The following ASIC2 variants were observed in gnomAD, a reference collection of about 807,000 sequenced individuals.
ASIC2 encodes acid sensing ion channel subunit 2, also known as acid-sensing ion channel 2.
ASIC2 carries 25 observed loss-of-function variants against 57.3 expected under a neutral mutation model. That is an observed-to-expected ratio of 0.44 (90% CI 0.32 to 0.61). ASIC2 has a LOEUF of 0.61. Ranked by LOEUF, ASIC2 falls within the 20% of genes least tolerant of loss-of-function variation. ASIC2 has a pLI of 0.06. For missense variants in ASIC2, 641 were observed against 738.1 expected (o/e 0.87, Z 1.52); for synonymous variants, 319 against 307.5 (o/e 1.04, Z -0.39).
At chr17:33,733,214 C>T (rs184960865) in intron 1 of ASIC2, among the ~76,000 whole-genome samples, 152 of 152,332 alleles carry the variant, frequency 1.0e-3, no homozygotes, top group African/African-American at 2.0e-3. Context: ...GCAAGAGAGA[C>T]GGATGCTCCA....
At chr17:34,100,073 G>A (rs1044661214) in intron 1 of ASIC2, among the ~76,000 whole-genome samples, 7 of 151,994 alleles carry the variant, frequency 4.6e-5, no homozygotes, top group African/African-American at 9.7e-5. Context: ...CCCAGGAACC[G>A]CAAACACATT....
At chr17:34,084,281 G>A (rs1371314197) in intron 1 of ASIC2, among the ~76,000 whole-genome samples, 2 of 152,024 alleles carry the variant, frequency 1.3e-5, no homozygotes, top group African/African-American at 2.4e-5. Flanking sequence ...AGTTTTCCCA[G>A]CACCATTTAT....
chr17:33,465,166 C>T (rs1256782636), intron 1 of ASIC2, among the ~76,000 whole-genome samples: 1 of 152,102 alleles, frequency 6.6e-6, no homozygotes, highest in Non-Finnish European at 1.5e-5. Context: ...TCTAGCTTCC[C>T]CTGGCTGTTT....
chr17:34,152,119 C>A (rs1904551229), intron 1 of ASIC2, among the ~76,000 whole-genome samples: 1 of 152,050 alleles, frequency 6.6e-6, no homozygotes, highest in Non-Finnish European at 1.5e-5. Flanking sequence ...TCACCTCCAC[C>A]ATCTCTATAA....
At chr17:33,025,348 AC>A (rs767708265) in intron 5 of ASIC2, among the ~76,000 whole-genome samples, 5 of 151,386 alleles carry the variant, frequency 3.3e-5, no homozygotes, top group African/African-American at 7.3e-5. Flanking sequence ...TAACTGGCAG[AC>A]CCCCCGCAGG....
Position 34,043,994 on chromosome 17 carries a change from G to A in ASIC2, c.555+111984C>T, listed in dbSNP as rs12943431. Among the ~76,000 whole-genome samples, 914 of 152,256 alleles carry A rather than the reference G, an allele frequency of 6.0e-3. 14 individuals carry two copies. Among genetic ancestry groups the A allele is most frequent in the African/African-American group, 0.021 (865 of 41,542 alleles). ...AATTGGTGACCTTTACTATTCCAAAGGCATGCATACCCTCCCTGTTGAGGA... is the reference window on the plus strand; with the variant it reads ...AATTGGTGACCTTTACTATTCCAAAAGCATGCATACCCTCCCTGTTGAGGA... On this transcript the variant is annotated intron_variant, in intron 1 of 9. Transcript: ENST00000359872.
At chr17:33,474,562 G>A (rs989247710) in intron 1 of ASIC2, among the ~76,000 whole-genome samples, 6 of 152,184 alleles carry the variant, frequency 3.9e-5, no homozygotes, top group African/African-American at 1.2e-4. Flanking sequence ...GCAACAGAGG[G>A]GCGTGCACAG....
chr17:33,066,084 G>T (rs1203031199), intron 3 of ASIC2, among the ~76,000 whole-genome samples: 2 of 152,236 alleles, frequency 1.3e-5, no homozygotes, highest in South Asian at 2.1e-4. Flanking sequence ...TTCCTATCAG[G>T]ATTTCCTCTC....
chr17:34,125,393 G>A (rs751611659), intron 1 of ASIC2, among the ~76,000 whole-genome samples: 13 of 152,148 alleles, frequency 8.5e-5, no homozygotes, highest in Non-Finnish European at 1.8e-4. Context: ...TTGATCAGAA[G>A]ACAACTGAAG....
intron 1 of ASIC2, among the ~76,000 whole-genome samples, chr17:34,035,735 C>CA (rs370285704): frequency 0.13 from 19,781 of 152,088 alleles, 1,346 homozygotes; most frequent in South Asian, 0.19. Flanking sequence ...TATGAACAGA[C>CA]ACTTCTCAAA....
chr17:33,423,961 T>C (rs1911129945), intron 1 of ASIC2, among the ~76,000 whole-genome samples: 1 of 152,246 alleles, frequency 6.6e-6, no homozygotes, highest in Non-Finnish European at 1.5e-5. Flanking sequence ...TGTGCCTCAG[T>C]TTCTTGCTCT....
At chr17:34,064,074 G>A (rs1909074072) in intron 1 of ASIC2, among the ~76,000 whole-genome samples, 1 of 151,982 alleles carries the variant, frequency 6.6e-6, no homozygotes, top group South Asian at 2.1e-4. Context: ...GCCAAAGCAA[G>A]ACTAAGCAAA....
chr17:34,057,787 G>GA (rs1567803837), intron 1 of ASIC2, among the ~76,000 whole-genome samples: 1 of 152,178 alleles, frequency 6.6e-6, no homozygotes, highest in Non-Finnish European at 1.5e-5. Flanking sequence ...GCATGTAGCT[G>GA]AAAATAGAAA....
intron 1 of ASIC2, among the ~76,000 whole-genome samples, chr17:33,891,129 G>A (rs1267086688): frequency 6.6e-6 from 1 of 152,108 alleles, no homozygotes; most frequent in Non-Finnish European, 1.5e-5. Context: ...ATTTTCAAAG[G>A]CAGGTGCCCA....
At chr17:34,002,577 T>C (rs557825377) in intron 1 of ASIC2, 3 of 152,246 alleles carry the variant, frequency 2.0e-5, no homozygotes, top group Non-Finnish European at 2.9e-5. Flanking sequence ...AAGAGCTTAA[T>C]TTCAGCTCTG....
chr17:33,749,152 T>C (rs190999567), intron 1 of ASIC2, among the ~76,000 whole-genome samples: 130 of 152,236 alleles, frequency 8.5e-4, no homozygotes, highest in African/African-American at 3.1e-3. Context: ...AGAGCACAGC[T>C]TCCTCTGGAG....
intron 1 of ASIC2, among the ~76,000 whole-genome samples, chr17:33,419,960 T>G (rs964783205): frequency 6.6e-5 from 10 of 152,318 alleles, no homozygotes; most frequent in South Asian, 6.2e-4. Context: ...TTAGACTTTT[T>G]CTGGAAGGAT....
intron 1 of ASIC2, among the ~76,000 whole-genome samples, chr17:34,116,740 A>G (rs558849713): frequency 5.4e-4 from 83 of 152,312 alleles, no homozygotes; most frequent in African/African-American, 1.9e-3. Context: ...CCTAAAGGGT[A>G]GCATTTCCCA....
intron 1 of ASIC2, among the ~76,000 whole-genome samples, chr17:34,033,355 A>T (rs1410488308): frequency 1.3e-5 from 2 of 152,202 alleles, no homozygotes; most frequent in Non-Finnish European, 2.9e-5. Flanking sequence ...TCTGGGACAC[A>T]TTCAAAGCAG....
Sources: gnomAD v4.1 joint callset for allele counts (sites outside exome capture counted in the v4.1 genomes callset) on GRCh38, gnomAD v4.1.1 for gene constraint, MANE v1.5 for transcripts, NCBI Gene and HGNC (gene_info 2026-07-23, HGNC 2026-07-21) for gene names.